CTNND2: variants seen among roughly 807,000 people sequenced by gnomAD.
CTNND2 encodes catenin delta 2.
A neutral mutation model predicts 144.4 loss-of-function variants in CTNND2; 22 were observed. That is an observed-to-expected ratio of 0.15 (90% confidence interval 0.11 to 0.22). CTNND2 has a LOEUF of 0.22. Among genes scored for constraint, CTNND2 ranks in the 10% least tolerant of loss-of-function variants. The probability of loss-of-function intolerance (pLI) is 1.00; values close to 1 mark genes in which losing one functional copy is unlikely to be tolerated. For synonymous variants in CTNND2, 751 were observed against 695.6 expected, an observed-to-expected ratio of 1.08 and a Z score of -1.25; for missense variants, 1,353 against 1,618.8, an observed-to-expected ratio of 0.84 and a Z score of 2.82.
chr5:11,261,825 T>C (rs1396686943), intron 9 of CTNND2, among the ~76,000 whole-genome samples: 1 of 152,196 alleles, frequency 6.6e-6, no homozygotes, highest in Non-Finnish European at 1.5e-5. Flanking sequence ...GGGCCCACAA[T>C]TTTCCCTTCC....
intron 2 of CTNND2, among the ~76,000 whole-genome samples, chr5:11,712,741 C>T (rs558597707): frequency 6.6e-6 from 1 of 152,092 alleles, no homozygotes; most frequent in Non-Finnish European, 1.5e-5. Context: ...ACAAAAGAGT[C>T]GTTCATCCTA....
Position 11,869,415 on chromosome 5 carries a change from A to C in CTNND2, c.37+34402T>G, listed in dbSNP as rs1183503609. Among the ~76,000 whole-genome samples, 6 of 152,232 alleles carry C rather than the reference A, an allele frequency of 3.9e-5. 1 individual carries two copies. The highest frequency in any genetic ancestry group is 2.6e-4 in the Admixed American group (4 of 15,284). On this transcript the variant is annotated intron_variant, in intron 1 of 21. Coordinates refer to ENST00000304623, the MANE Select transcript of CTNND2 (RefSeq NM_001332.4). Reference sequence around the variant, plus strand: ...ACATAAGAAGGTGCCAACTTCTGACACATGCCACAACATGGATTAACCTTG... The same window carrying C: ...ACATAAGAAGGTGCCAACTTCTGACCCATGCCACAACATGGATTAACCTTG...
At chr5:11,462,411 A>T (rs548908560) in intron 3 of CTNND2, among the ~76,000 whole-genome samples, 1 of 152,170 alleles carries the variant, frequency 6.6e-6, no homozygotes, top group South Asian at 2.1e-4. Flanking sequence ...ATCTCCCCTC[A>T]ACTTGAGCCC....
At chr5:11,728,682 G>GT (rs1395755372) in intron 2 of CTNND2, among the ~76,000 whole-genome samples, 1 of 152,114 alleles carries the variant, frequency 6.6e-6, no homozygotes, top group African/African-American at 2.4e-5. Context: ...GAAAATTAGT[G>GT]TAACAATAGA....
chr5:11,588,520 TTC>T (rs1420709087), intron 2 of CTNND2, among the ~76,000 whole-genome samples: 15 of 152,226 alleles, frequency 9.9e-5, no homozygotes, highest in Admixed American at 7.8e-4. Flanking sequence ...TACAACCACT[TTC>T]TGTTTAATTT....
intron 1 of CTNND2, among the ~76,000 whole-genome samples, chr5:11,886,975 C>CTTTTTTTT (rs36178842): frequency 2.4e-5 from 2 of 83,600 alleles, no homozygotes; most frequent in Admixed American, 1.6e-4. Flanking sequence ...TATCCTACTG[C>CTTTTTTTT]TTTTTTTTTT....
Position 11,867,656 on chromosome 5 carries a change from T to C in CTNND2, c.37+36161A>G, listed in dbSNP as rs1795837239. Among the ~76,000 whole-genome samples the C allele has an allele frequency of 2.0e-5, 3 of 147,444 alleles. No homozygotes were observed. The South Asian group carries it at 6.5e-4, about 32-fold the overall frequency. ...GACCATTCATTCATTCATTCATTCA[T>C]TCAATAATATCTATGCTCTATAAAG... On this transcript the variant is annotated intron_variant, in intron 1 of 21. Transcript: ENST00000304623.
intron 3 of CTNND2, among the ~76,000 whole-genome samples, chr5:11,563,747 A>G (rs1267392724): frequency 6.6e-6 from 1 of 152,198 alleles, no homozygotes; most frequent in Admixed American, 6.5e-5. Context: ...ATTTAAAGAA[A>G]AAAAAAACAC....
chr5:11,881,465 C>CG (rs1736105568), intron 1 of CTNND2, among the ~76,000 whole-genome samples: 1 of 152,032 alleles, frequency 6.6e-6, no homozygotes, highest in African/African-American at 2.4e-5. Context: ...CTGGTAACCA[C>CG]TATTCTACTC....
At chr5:11,078,970 C>T (rs1320478690) in intron 16 of CTNND2, among the ~76,000 whole-genome samples, 1 of 152,196 alleles carries the variant, frequency 6.6e-6, no homozygotes, top group Admixed American at 6.5e-5. Flanking sequence ...CACAGATTTG[C>T]AGCCTGGCCT....
intron 8 of CTNND2, among the ~76,000 whole-genome samples, chr5:11,348,498 T>G (rs145986861): frequency 4.0e-5 from 6 of 150,824 alleles, no homozygotes; most frequent in Non-Finnish European, 8.9e-5. Context: ...TTCATAGATG[T>G]GCATTTTTTT....
At chr5:11,489,259 T>A (rs1012417012) in intron 3 of CTNND2, among the ~76,000 whole-genome samples, 23 of 152,190 alleles carry the variant, frequency 1.5e-4, no homozygotes, top group African/African-American at 5.5e-4. Flanking sequence ...TATATAGTGA[T>A]CTCTTTGGGT....
At chr5:11,750,347 G>A (rs375392396) in intron 1 of CTNND2, among the ~76,000 whole-genome samples, 1 of 151,988 alleles carries the variant, frequency 6.6e-6, no homozygotes, top group African/African-American at 2.4e-5. Context: ...AGAGGCATAA[G>A]AGATTGAAGA....
At chr5:11,603,806 G>A (rs1779923189) in intron 2 of CTNND2, among the ~76,000 whole-genome samples, 1 of 152,064 alleles carries the variant, frequency 6.6e-6, no homozygotes, top group African/African-American at 2.4e-5. Flanking sequence ...CTCTTCTGAA[G>A]GGCAACGACA....
In CTNND2 at chr5:11,555,491, G is replaced by A. The variant is rs116632572; in HGVS notation, c.287+9453C>T. ...AGAGCTTCCCTGTTAAAGAAGCAAC[G>A]GCTGTAAATGCTCCTGCTATTCGGG... On this transcript the variant is annotated intron_variant, in intron 3 of 21. Coordinates refer to ENST00000304623, the MANE Select transcript of CTNND2 (RefSeq NM_001332.4). Among the ~76,000 whole-genome samples the A allele has an allele frequency of 4.0e-3, 611 of 152,224 alleles. 1 individual carries two copies. Among genetic ancestry groups the A allele is most frequent in the Non-Finnish European group, 7.3e-3 (499 of 68,012 alleles).
intron 8 of CTNND2, among the ~76,000 whole-genome samples, chr5:11,352,676 T>C (rs1001465763): frequency 2.0e-5 from 3 of 152,200 alleles, no homozygotes; most frequent in South Asian, 4.1e-4. Flanking sequence ...AATGAGCAGA[T>C]AGATTTCTAT....
chr5:11,565,836 T>C (rs552056801), intron 2 of CTNND2, among the ~76,000 whole-genome samples: 3 of 152,318 alleles, frequency 2.0e-5, no homozygotes, highest in East Asian at 3.9e-4. Flanking sequence ...CCTCATACAC[T>C]TAAGTTTTTT....
intron 2 of CTNND2, among the ~76,000 whole-genome samples, chr5:11,666,666 G>T (rs566860049): frequency 6.6e-6 from 1 of 152,268 alleles, no homozygotes; most frequent in South Asian, 2.1e-4. Context: ...TTTCTGTAAC[G>T]TATGAGGGAA....
chr5:11,459,022 A>G (rs1765971873), intron 3 of CTNND2, among the ~76,000 whole-genome samples: 1 of 151,764 alleles, frequency 6.6e-6, no homozygotes, highest in Non-Finnish European at 1.5e-5. Context: ...TTCCCACCTC[A>G]GCCTCCCAAA....
Sources: gnomAD v4.1 joint callset for allele counts (sites outside exome capture counted in the v4.1 genomes callset) on GRCh38, gnomAD v4.1.1 for gene constraint, MANE v1.5 for transcripts, NCBI Gene and HGNC (gene_info 2026-07-23, HGNC 2026-07-21) for gene names.